Variants in SASH1 observed in about 807,000 individuals in gnomAD.
SASH1 encodes SAM and SH3 domain containing 1.
In SASH1, 44 loss-of-function variants were observed where a neutral mutation model predicts 125.2. The observed-to-expected ratio is 0.35, with a 90% CI of 0.28 to 0.45. SASH1 has a LOEUF of 0.45. Ranked by LOEUF, SASH1 falls within the 20% of genes least tolerant of loss-of-function variation. The pLI, the probability that SASH1 is intolerant of heterozygous loss-of-function variation, is 1.00. For missense variants in SASH1, 1,426 were observed against 1,614.5 expected, an observed-to-expected ratio of 0.88 and a Z score of 2.00; for synonymous variants, 639 against 649.1, an observed-to-expected ratio of 0.98 and a Z score of 0.24.
intron 4 of SASH1, among the ~76,000 whole-genome samples, chr6:148,455,073 G>A (rs1777273203): frequency 6.6e-6 from 1 of 152,222 alleles, no homozygotes; most frequent in African/African-American, 2.4e-5. Flanking sequence ...TGGATACAAG[G>A]AGGGAATGGA....
intron 1 of SASH1, among the ~76,000 whole-genome samples, chr6:148,303,946 T>C (rs1161319017): frequency 6.6e-6 from 1 of 152,062 alleles, no homozygotes; most frequent in African/African-American, 2.4e-5. Context: ...GCTAAAACAA[T>C]GCTCAGAAGG....
At chr6:148,409,343 T>G (rs1043839394) in intron 2 of SASH1, among the ~76,000 whole-genome samples, 1 of 152,240 alleles carries the variant, frequency 6.6e-6, no homozygotes, top group Non-Finnish European at 1.5e-5. Context: ...TATTTTATGA[T>G]TAACAATATT....
chr6:148,482,816 G>A (rs1290140275), intron 7 of SASH1, among the ~76,000 whole-genome samples: 1 of 151,386 alleles, frequency 6.6e-6, no homozygotes, highest in Non-Finnish European at 1.5e-5. Flanking sequence ...AGCCTCCCAA[G>A]TAGCTGGGAC....
At chr6:148,309,782 G>A (rs1780251257) in intron 1 of SASH1, among the ~76,000 whole-genome samples, 1 of 152,034 alleles carries the variant, frequency 6.6e-6, no homozygotes. Flanking sequence ...GTGGGTCAGA[G>A]CTCTAAACAC....
chr6:148,377,880 T>G lies in SASH1; in HGVS notation c.157-12254T>G, dbSNP rs544045461. ...TGTCAAGGGTTTACAAGTATTTTAT[T>G]TAATCCTATTACAGCCTGTGGGGTA... On this transcript the variant is annotated intron_variant, in intron 1 of 19. Transcript: ENST00000367467. Among the ~76,000 whole-genome samples the G allele has an allele frequency of 3.3e-5, 5 of 152,172 alleles. No homozygotes were observed. The South Asian group carries it at 1.0e-3, about 32-fold the overall frequency.
At chr6:148,464,408 A>G (rs1028707943) in intron 4 of SASH1, among the ~76,000 whole-genome samples, 23 of 152,212 alleles carry the variant, frequency 1.5e-4, no homozygotes, top group African/African-American at 5.5e-4. Context: ...TGAAGTTACC[A>G]TACTTTTTAC....
the SASH1 span, among the ~76,000 whole-genome samples, chr6:148,249,935 A>G: frequency 6.6e-6 from 1 of 152,228 alleles, no homozygotes; most frequent in African/African-American, 2.4e-5. Flanking sequence ...CGAAGAAAAC[A>G]TATGTGCTTA....
intron 8 of SASH1, among the ~76,000 whole-genome samples, chr6:148,493,668 C>T (rs146290206): frequency 0.027 from 4,159 of 152,270 alleles, 73 homozygotes; most frequent in Non-Finnish European, 0.044. Flanking sequence ...TAGATAATCG[C>T]GTGTTGCCTC....
the SASH1 span, among the ~76,000 whole-genome samples, chr6:148,235,211 T>C: frequency 6.6e-6 from 1 of 152,132 alleles, no homozygotes; most frequent in Admixed American, 6.5e-5. Flanking sequence ...TTGGTGTATG[T>C]GTATGGTGGA....
chr6:148,267,448 G>A (rs371956457), upstream of SASH1, among the ~76,000 whole-genome samples: 12 of 150,778 alleles, frequency 8.0e-5, no homozygotes, highest in South Asian at 2.1e-3. Context: ...GCGAAATCTC[G>A]GCTCACTGCA....
Position 148,544,026 on chromosome 6 carries a change from C to A in SASH1, c.2556C>A (p.Asp852Glu). Reference sequence around the variant, plus strand: ...AAGTGGAGCCTGGTGCTGAGCAAGACGTGCCTACCGAGGTGACAGAACCGC... The same window carrying A: ...AAGTGGAGCCTGGTGCTGAGCAAGAAGTGCCTACCGAGGTGACAGAACCGC... ...DLQVEPGAEQ[D>E]VPTEVTEPPP... is the part of the protein sequence containing the mutation. The change falls in exon 18 of 20, where the codon GAC (aspartate) becomes GAA (glutamate). Residue 852 changes from aspartate (D) to glutamate (E), a missense_variant. Physicochemically the swap from Asp to Glu is conservative, Grantham distance 45. Coordinates refer to ENST00000367467, the MANE Select transcript of SASH1 (RefSeq NM_015278.5). This position sits in a 1 kb window ranked among gnomAD's most constrained non-coding sequence, Gnocchi z 6.4. 1.2e-6 allele frequency: 2 copies of A among 1,614,112 alleles called. No individual in the cohort carries two copies. The highest frequency in any genetic ancestry group is 1.7e-6 in the Non-Finnish European group (2 of 1,180,030).
Position 148,548,846 on chromosome 6 carries a change from G to C in SASH1, c.*288G>C, listed in dbSNP as rs889201808. 4 of 323,458 alleles carry C rather than the reference G, an allele frequency of 1.2e-5. No homozygotes were observed. The highest frequency in any genetic ancestry group is 2.3e-5 in the Non-Finnish European group (4 of 176,536). The allele number at this position is 323,458 out of a possible 1,614,324, so 20.0% of individuals were successfully genotyped here. Reference sequence around the variant, plus strand: ...ACCAAGATGCCAACTGGCTGCGAATGCTCTATCTCCAGTCTGTCTCTGTGT... The same window carrying C: ...ACCAAGATGCCAACTGGCTGCGAATCCTCTATCTCCAGTCTGTCTCTGTGT... On this transcript the variant is annotated 3_prime_UTR_variant, in exon 20 of 20. Transcript: ENST00000367467.
intron 4 of SASH1, among the ~76,000 whole-genome samples, chr6:148,446,309 C>T (rs749123587): frequency 3.6e-4 from 55 of 151,866 alleles, no homozygotes; most frequent in South Asian, 8.4e-4. Flanking sequence ...GGGGTTTCAC[C>T]GTGTTAGCCA....
chr6:148,428,496 G>GT (rs929592043), intron 2 of SASH1, among the ~76,000 whole-genome samples: 9 of 152,032 alleles, frequency 5.9e-5, no homozygotes, highest in African/African-American at 2.2e-4. Context: ...AGGTGTGGTG[G>GT]TACACATCTG....
intron 16 of SASH1, among the ~76,000 whole-genome samples, chr6:148,538,104 C>T (rs1053267743): frequency 6.6e-6 from 1 of 152,128 alleles, no homozygotes; most frequent in Non-Finnish European, 1.5e-5. Context: ...ATGAAGACAG[C>T]GATTCTAGCC....
chr6:148,549,551 G>T lies in SASH1; in HGVS notation c.*993G>T. On this transcript the variant is annotated 3_prime_UTR_variant, in exon 20 of 20. Transcript: ENST00000367467. Reference sequence around the variant, plus strand: ...TGTCCATCCCAAAATTCAGTCCTCAGTTAACGGATCATGTTTGCAAAAGGT... The same window carrying T: ...TGTCCATCCCAAAATTCAGTCCTCATTTAACGGATCATGTTTGCAAAAGGT... 2.5e-6 allele frequency: 1 copy of T among 398,842 alleles called. No homozygotes were observed. Among genetic ancestry groups the T allele is most frequent in the East Asian group, 3.6e-5 (1 of 28,084 alleles). 24.7% of individuals were successfully genotyped at this position (398,842 alleles called of 1,614,324 possible).
chr6:148,382,392 T>C (rs552349940), intron 1 of SASH1, among the ~76,000 whole-genome samples: 1 of 152,062 alleles, frequency 6.6e-6, no homozygotes, highest in Non-Finnish European at 1.5e-5. Flanking sequence ...TGGGTTCAAG[T>C]GATTCTCCAG....
the SASH1 span, among the ~76,000 whole-genome samples, chr6:148,261,060 C>G: frequency 6.6e-6 from 1 of 152,126 alleles, no homozygotes; most frequent in Non-Finnish European, 1.5e-5. Context: ...CAGCCTCAGC[C>G]TCCCAAAGTG....
chr6:148,321,390 TAAAA>T (rs10573800), intron 1 of SASH1, among the ~76,000 whole-genome samples: 279 of 141,794 alleles, frequency 2.0e-3, no homozygotes, highest in African/African-American at 6.0e-3. Flanking sequence ...AACTCTGTCT[TAAAA>T]AAAAAAAAAA....
Sources: allele counts gnomAD v4.1 joint callset (sites outside exome capture counted in the v4.1 genomes callset), GRCh38; gene constraint gnomAD v4.1.1; non-coding constraint Gnocchi (gnomAD v3.1); transcripts MANE v1.5; gene names NCBI Gene and HGNC (gene_info 2026-07-23, HGNC 2026-07-21).